Variants in TBC1D9 observed in about 807,000 individuals in gnomAD.
TBC1D9 encodes TBC1 domain family member 9A.
In TBC1D9, 63 loss-of-function variants were observed where a neutral mutation model predicts 132.0. The ratio of observed to expected loss-of-function variants is 0.48; its 90% CI spans 0.39 to 0.59. TBC1D9 has a LOEUF of 0.59. Ranked by LOEUF, TBC1D9 falls within the 20% of genes least tolerant of loss-of-function variation. The probability of loss-of-function intolerance (pLI) is 0.00; values close to 1 mark genes in which losing one functional copy is unlikely to be tolerated. For synonymous variants in TBC1D9, 610 were observed against 609.9 expected (o/e 1.00, Z 0.00); for missense variants, 1,261 against 1,592.7 (o/e 0.79, Z 3.54).
At chr4:140,695,825 C>T (rs11736541) in intron 2 of TBC1D9, among the ~76,000 whole-genome samples, 56,642 of 152,014 alleles carry the variant, frequency 0.37, 10,874 homozygotes, top group African/African-American at 0.45. Flanking sequence ...CCTATTTTTA[C>T]TCCAATGTGA....
chr4:140,726,767 C>T (rs1738509469), intron 1 of TBC1D9, among the ~76,000 whole-genome samples: 1 of 152,298 alleles, frequency 6.6e-6, no homozygotes, highest in African/African-American at 2.4e-5. Context: ...GGCCCAAGTT[C>T]TCCTGAATTC....
chr4:140,698,276 A>T (rs1388532953), intron 2 of TBC1D9, among the ~76,000 whole-genome samples: 2 of 152,126 alleles, frequency 1.3e-5, no homozygotes, highest in African/African-American at 2.4e-5. Flanking sequence ...TCAGAGTCCC[A>T]GCTTCCTCTT....
At chr4:140,729,547 T>G (rs1435430629) in intron 1 of TBC1D9, among the ~76,000 whole-genome samples, 2 of 152,124 alleles carry the variant, frequency 1.3e-5, no homozygotes, top group Non-Finnish European at 2.9e-5. Flanking sequence ...TTTTTCTCCC[T>G]TGCCATATTC....
At chr4:140,630,496 G>T (rs67757217) in intron 16 of TBC1D9, among the ~76,000 whole-genome samples, 28,673 of 151,952 alleles carry the variant, frequency 0.19, 3,232 homozygotes, top group African/African-American at 0.32. Context: ...TCATTCCCCT[G>T]CCCTTAACAC....
At chr4:140,631,940 G>T (rs1736801439) in intron 16 of TBC1D9, among the ~76,000 whole-genome samples, 1 of 152,092 alleles carries the variant, frequency 6.6e-6, no homozygotes, top group Middle Eastern at 3.2e-3. Flanking sequence ...TCTCATTTCT[G>T]CTTGACTTTC....
intron 7 of TBC1D9, chr4:140,670,446 T>C (rs1322586312): frequency 1.7e-5 from 7 of 412,726 alleles, no homozygotes; most frequent in African/African-American, 6.0e-5. Context: ...TGTCACTATA[T>C]GGACCTGAGT....
At chr4:140,693,696 A>G (rs1456051958) in intron 2 of TBC1D9, among the ~76,000 whole-genome samples, 1 of 152,238 alleles carries the variant, frequency 6.6e-6, no homozygotes, top group Non-Finnish European at 1.5e-5. Context: ...TGATGTCAAG[A>G]AAAGAAACTA....
chr4:140,687,524 C>T (rs1737808431), intron 2 of TBC1D9, among the ~76,000 whole-genome samples: 1 of 151,392 alleles, frequency 6.6e-6, no homozygotes, highest in Non-Finnish European at 1.5e-5. Flanking sequence ...TGTCTTTTCT[C>T]TCTGTTCTTT....
chr4:140,649,240 G>T (rs891686150), intron 13 of TBC1D9, among the ~76,000 whole-genome samples: 34 of 152,204 alleles, frequency 2.2e-4, no homozygotes, highest in African/African-American at 7.2e-4. Context: ...CACCACAGGG[G>T]AATTTACTGA....
At chr4:140,655,794 G>A (rs1014887130) in intron 13 of TBC1D9, among the ~76,000 whole-genome samples, 1 of 152,122 alleles carries the variant, frequency 6.6e-6, no homozygotes. Flanking sequence ...AGGAATCCTA[G>A]GACTCTGGTC....
intron 2 of TBC1D9, among the ~76,000 whole-genome samples, chr4:140,698,576 C>CGTT (rs1738012961): frequency 6.6e-6 from 1 of 151,984 alleles, no homozygotes; most frequent in Non-Finnish European, 1.5e-5. Flanking sequence ...GGTAAAACCC[C>CGTT]GTCTCTACTA....
chr4:140,680,433 A>G (rs969694780), intron 3 of TBC1D9, among the ~76,000 whole-genome samples: 16 of 152,236 alleles, frequency 1.1e-4, no homozygotes, highest in Non-Finnish European at 2.4e-4. Context: ...AAACATCTGC[A>G]TAGCAAGTGA....
chr4:140,636,573 T>C (rs904292658), intron 15 of TBC1D9, among the ~76,000 whole-genome samples: 3 of 151,922 alleles, frequency 2.0e-5, no homozygotes, highest in African/African-American at 7.3e-5. Context: ...TATTTTTTAG[T>C]GATGGGTCTT....
chr4:140,623,323 C>T (rs1007730783), intron 20 of TBC1D9, among the ~76,000 whole-genome samples: 4 of 152,154 alleles, frequency 2.6e-5, no homozygotes, highest in African/African-American at 7.2e-5. Context: ...CTGCCTTGGC[C>T]TCCCAAAGTG....
chr4:140,646,080 C>T (rs1213467142), intron 13 of TBC1D9, among the ~76,000 whole-genome samples: 1 of 152,212 alleles, frequency 6.6e-6, no homozygotes, highest in African/African-American at 2.4e-5. Flanking sequence ...GTGACCAGGA[C>T]ATGAGCCGAG....
rs11420074 is a variant in TBC1D9 at position 140,718,247 on chromosome 4, G to GAA, written c.131-16635_131-16634dup. ...AGTTTTTTTTCTGTTCCTTTTTTCAGAAAAAAAAAAAAAAAAAGTACATTC... is the reference window on the plus strand; with the variant it reads ...AGTTTTTTTTCTGTTCCTTTTTTCAGAAAAAAAAAAAAAAAAAAAGTACATTC... On this transcript the variant is annotated intron_variant, in intron 1 of 20. Coordinates refer to ENST00000442267, the MANE Select transcript of TBC1D9 (RefSeq NM_015130.3). Among the ~76,000 whole-genome samples, 727 of 123,122 alleles carry GAA rather than the reference G, an allele frequency of 5.9e-3. 10 individuals carry two copies. Among genetic ancestry groups the GAA allele is most frequent in the African/African-American group, 0.012 (403 of 34,582 alleles). 80.8% of individuals were successfully genotyped at this position (123,122 alleles called of 152,430 possible).
At position 140,670,801 on chromosome 4, in the gene TBC1D9, G is replaced by A. The variant is rs764346367; in HGVS notation, c.1185C>T (p.Ile395=). ...AAGTAGTCTGTTGCAGGAAATCTGAGATCCTCTGCACTAGAAAGTCTCTAT... is the reference window on the plus strand; with the variant it reads ...AAGTAGTCTGTTGCAGGAAATCTGAAATCCTCTGCACTAGAAAGTCTCTAT... ...LKDRDFLVQR[I]SDFLQQTTSK... Residue 395 remains isoleucine, a synonymous_variant, in exon 7 of 21, where the codon ATC becomes ATT. Transcript: ENST00000442267. The A allele has an allele frequency of 1.4e-5, 23 of 1,614,014 alleles. No homozygotes were observed. In the Admixed American group the frequency reaches 2.3e-4, roughly 16 times the overall value.
At chr4:140,643,265 G>A (rs1180732441) in intron 13 of TBC1D9, 3 of 1,296,682 alleles carry the variant, frequency 2.3e-6, no homozygotes, top group African/African-American at 2.9e-5. Context: ...CTGCGATCTC[G>A]CTCAGCAGGG....
At chr4:140,686,843 TAGG>T (rs1161339825) in intron 2 of TBC1D9, among the ~76,000 whole-genome samples, 1 of 152,162 alleles carries the variant, frequency 6.6e-6, no homozygotes, top group Non-Finnish European at 1.5e-5. Flanking sequence ...CTTATGATAC[TAGG>T]TTACAGTTGT....
Sources: gnomAD v4.1 joint callset for allele counts (sites outside exome capture counted in the v4.1 genomes callset) on GRCh38, gnomAD v4.1.1 for gene constraint, MANE v1.5 for transcripts, NCBI Gene and HGNC (gene_info 2026-07-23, HGNC 2026-07-21) for gene names.